Variants in TNKS observed in about 807,000 individuals in gnomAD.
TNKS encodes tankyrase.
In TNKS, 72 loss-of-function variants were observed where a neutral mutation model predicts 135.8. The ratio of observed to expected loss-of-function variants is 0.53; its 90% CI spans 0.44 to 0.64. The LOEUF is 0.64. Among genes scored for constraint, TNKS ranks in the 30% least tolerant of loss-of-function variants. The pLI is 0.00. For synonymous variants in TNKS, 849 were observed against 649.3 expected (o/e 1.31, Z -4.68); for missense variants, 1,769 against 1,674.0 (o/e 1.06, Z -0.99).
intron 1 of TNKS, chr8:9,575,336 C>T (rs963338502): frequency 1.0e-4 from 96 of 937,762 alleles, no homozygotes; most frequent in Non-Finnish European, 1.1e-4. Flanking sequence ...CCGCCTGCTT[C>T]GGCCTCCCTA....
intron 5 of TNKS, among the ~76,000 whole-genome samples, chr8:9,698,397 A>AAAAAAC (rs1563174579): frequency 7.3e-6 from 1 of 136,074 alleles, no homozygotes; most frequent in African/African-American, 2.7e-5. Flanking sequence ...AAAAAGCTTA[A>AAAAAAC]GTATATAAGC....
intron 3 of TNKS, among the ~76,000 whole-genome samples, chr8:9,616,370 T>A (rs1799646118): frequency 6.6e-6 from 1 of 152,194 alleles, no homozygotes; most frequent in Admixed American, 6.5e-5. Flanking sequence ...GCATTGGATC[T>A]ATTTTTGTTT....
intron 11 of TNKS, among the ~76,000 whole-genome samples, chr8:9,715,464 C>T (rs1445187481): frequency 6.6e-6 from 1 of 152,038 alleles, no homozygotes; most frequent in African/African-American, 2.4e-5. Context: ...CTGGTACCAC[C>T]TGTAGCCTTT....
chr8:9,754,891 T>G (rs73204655), intron 20 of TNKS, among the ~76,000 whole-genome samples: 1 of 152,306 alleles, frequency 6.6e-6, no homozygotes, highest in Non-Finnish European at 1.5e-5. Context: ...GACAATATCC[T>G]AAATAGTAAG....
chr8:9,684,135 C>A (rs1802893905), intron 5 of TNKS, among the ~76,000 whole-genome samples: 1 of 151,872 alleles, frequency 6.6e-6, no homozygotes, highest in African/African-American at 2.4e-5. Context: ...CATAACAGTC[C>A]ACAATTCATT....
intron 17 of TNKS, among the ~76,000 whole-genome samples, chr8:9,736,043 A>G (rs1226247340): frequency 6.7e-6 from 1 of 150,270 alleles, no homozygotes; most frequent in Non-Finnish European, 1.5e-5. Context: ...AATAATAGGC[A>G]TGTAATGGGT....
chr8:9,579,757 G>C (rs991349494), intron 1 of TNKS, among the ~76,000 whole-genome samples: 1 of 152,138 alleles, frequency 6.6e-6, no homozygotes. Context: ...GAGCCACTGC[G>C]CCCGGCTTAT....
intron 3 of TNKS, among the ~76,000 whole-genome samples, chr8:9,662,166 C>A (rs2128788238): frequency 6.6e-6 from 1 of 152,280 alleles, no homozygotes; most frequent in South Asian, 2.1e-4. Flanking sequence ...ACTAGTTCAA[C>A]CATTGTGGAA....
At chr8:9,696,921 C>T (rs550740765) in intron 5 of TNKS, among the ~76,000 whole-genome samples, 2 of 152,090 alleles carry the variant, frequency 1.3e-5, no homozygotes, top group African/African-American at 2.4e-5. Flanking sequence ...CAACAATCAA[C>T]ATCATTCTTC....
chr8:9,596,759 G>A (rs1274089719), intron 2 of TNKS, among the ~76,000 whole-genome samples: 1 of 152,224 alleles, frequency 6.6e-6, no homozygotes, highest in East Asian at 1.9e-4. Context: ...ATCATGGCTA[G>A]AGATAGAGGG....
At chr8:9,563,776 G>C (rs1797424774) in intron 1 of TNKS, among the ~76,000 whole-genome samples, 1 of 151,906 alleles carries the variant, frequency 6.6e-6, no homozygotes, top group Non-Finnish European at 1.5e-5. Flanking sequence ...TGTCTGCTTT[G>C]TGGGCATTTT....
chr8:9,613,480 G>C (rs768195126), intron 2 of TNKS, among the ~76,000 whole-genome samples: 22 of 152,156 alleles, frequency 1.4e-4, no homozygotes, highest in Non-Finnish European at 3.1e-4. Flanking sequence ...TAACTTTACT[G>C]AGTTTTTAAT....
intron 26 of TNKS, among the ~76,000 whole-genome samples, chr8:9,776,105 C>T (rs865792932): frequency 1.3e-5 from 2 of 151,934 alleles, no homozygotes; most frequent in Non-Finnish European, 2.9e-5. Flanking sequence ...AAATCGGAGC[C>T]CTTATCTCTC....
rs1196447654 is a variant in TNKS at position 9,776,881 on chromosome 8, G to C, written c.*145G>C. The C allele has an allele frequency of 2.8e-6, 2 of 711,462 alleles. No homozygotes were observed. Among genetic ancestry groups the C allele is most frequent in the Non-Finnish European group, 4.6e-6 (2 of 430,590 alleles). 44.1% of individuals were successfully genotyped at this position (711,462 alleles called of 1,614,324 possible). ...GTCTTCTATAAAGCATTGCTATAGT[G>C]ATGAATAGTATGAGTAACTGATACA... On this transcript the variant is annotated 3_prime_UTR_variant, in exon 27 of 27. Coordinates refer to ENST00000310430, the MANE Select transcript of TNKS (RefSeq NM_003747.3).
intron 2 of TNKS, among the ~76,000 whole-genome samples, chr8:9,607,811 A>G (rs922580688): frequency 5.9e-5 from 9 of 152,234 alleles, no homozygotes; most frequent in Non-Finnish European, 1.2e-4. Flanking sequence ...AATATTTAAT[A>G]AAATGCAGTA....
chr8:9,596,421 A>G (rs564601505), intron 2 of TNKS, among the ~76,000 whole-genome samples: 9 of 152,232 alleles, frequency 5.9e-5, no homozygotes, highest in Non-Finnish European at 1.2e-4. Context: ...TAAGTATAAT[A>G]ATTGTATTTA....
chr8:9,753,996 C>T (rs1806696768), intron 20 of TNKS, among the ~76,000 whole-genome samples: 1 of 152,218 alleles, frequency 6.6e-6, no homozygotes, highest in Admixed American at 6.5e-5. Context: ...TGGCTTGTGG[C>T]CATGCTACTC....
chr8:9,598,452 A>C (rs1211017140), intron 2 of TNKS, among the ~76,000 whole-genome samples: 1 of 151,998 alleles, frequency 6.6e-6, no homozygotes, highest in African/African-American at 2.4e-5. Flanking sequence ...GGATGTTTTA[A>C]ATATGTAAGT....
intron 1 of TNKS, among the ~76,000 whole-genome samples, chr8:9,560,868 A>AT (rs1797301335): frequency 6.6e-6 from 1 of 152,080 alleles, no homozygotes; most frequent in Admixed American, 6.5e-5. Context: ...TAAAAAAAAA[A>AT]GTTTACAGAG....
Sources: allele counts gnomAD v4.1 joint callset (sites outside exome capture counted in the v4.1 genomes callset), GRCh38; gene constraint gnomAD v4.1.1; transcripts MANE v1.5; gene names NCBI Gene and HGNC (gene_info 2026-07-23, HGNC 2026-07-21).